The following SUMF1 variants were observed in gnomAD, a reference collection of about 807,000 sequenced individuals.
SUMF1 encodes the protein sulfatase modifying factor 1.
A neutral mutation model predicts 47.6 loss-of-function variants in SUMF1; 48 were observed. That is an observed-to-expected ratio of 1.01 (90% CI 0.80 to 1.28). The LOEUF is 1.28. Among genes scored for constraint, SUMF1 ranks in the 50% most tolerant of loss-of-function variants. The pLI, the probability that SUMF1 is intolerant of heterozygous loss-of-function variation, is 0.00. For missense variants in SUMF1, 571 were observed against 485.4 expected (o/e 1.18, Z -1.66); for synonymous variants, 230 against 192.1 (o/e 1.20, Z -1.63).
chr3:4,212,368 A>G (rs1322584143), intron 8 of SUMF1, among the ~76,000 whole-genome samples: 1 of 152,140 alleles, frequency 6.6e-6, no homozygotes, highest in African/African-American at 2.4e-5. Context: ...GCTAACAAAA[A>G]GAAAGGAATA....
intron 8 of SUMF1, among the ~76,000 whole-genome samples, chr3:4,251,202 T>C (rs915912797): frequency 1.3e-5 from 2 of 152,176 alleles, no homozygotes; most frequent in African/African-American, 4.8e-5. Flanking sequence ...TGGATGATTT[T>C]GTGAAGTCCA....
At chr3:4,423,779 A>G (rs1395932581) in intron 3 of SUMF1, among the ~76,000 whole-genome samples, 3 of 152,166 alleles carry the variant, frequency 2.0e-5, no homozygotes, top group Admixed American at 6.5e-5. Flanking sequence ...ACCCTTATGA[A>G]TTGCTTGGGC....
chr3:4,449,741 C>A (rs971218528), intron 2 of SUMF1, among the ~76,000 whole-genome samples: 8 of 152,186 alleles, frequency 5.3e-5, no homozygotes, highest in African/African-American at 1.9e-4. Flanking sequence ...GCACTGTTTG[C>A]TCACATTCTG....
Position 4,236,088 on chromosome 3 carries a change from C to T in SUMF1, c.1014+140242G>A, listed in dbSNP as rs1247521009. On this transcript the variant is annotated intron_variant and NMD_transcript_variant, in intron 8 of 12. Transcript: ENST00000448413. ...CCCCCAGATAGCTGGGATAACCAGG[C>T]ATGCATCACCACATCTTGCTAATTT... Among the ~76,000 whole-genome samples the T allele has an allele frequency of 2.0e-5, 3 of 152,084 alleles. 1 individual carries two copies. The highest frequency in any genetic ancestry group is 2.9e-5 in the Non-Finnish European group (2 of 68,010).
intron 7 of SUMF1, among the ~76,000 whole-genome samples, chr3:4,400,653 G>A (rs1014849496): frequency 6.6e-6 from 1 of 152,172 alleles, no homozygotes; most frequent in Non-Finnish European, 1.5e-5. Flanking sequence ...TTGCTGTGTG[G>A]TGGGCACAGT....
intron 8 of SUMF1, among the ~76,000 whole-genome samples, chr3:4,191,563 T>A (rs890914220): frequency 1.3e-5 from 2 of 152,048 alleles, no homozygotes; most frequent in African/African-American, 4.8e-5. Flanking sequence ...GGGGAATGAA[T>A]TGAAAGAAAG....
intron 8 of SUMF1, among the ~76,000 whole-genome samples, chr3:4,094,756 T>G (rs1273033172): frequency 6.6e-6 from 1 of 152,094 alleles, no homozygotes; most frequent in Non-Finnish European, 1.5e-5. Context: ...CTGTTAATAA[T>G]GTAATACTTA....
At chr3:4,136,407 T>A (rs1214745195) in intron 8 of SUMF1, among the ~76,000 whole-genome samples, 1 of 152,126 alleles carries the variant, frequency 6.6e-6, no homozygotes, top group Non-Finnish European at 1.5e-5. Context: ...CTGGGAAAAC[T>A]GGCTAGCCAT....
At chr3:4,173,871 G>C (rs899928046) in intron 8 of SUMF1, among the ~76,000 whole-genome samples, 1 of 152,124 alleles carries the variant, frequency 6.6e-6, no homozygotes, top group African/African-American at 2.4e-5. Flanking sequence ...ACACACGAGG[G>C]CCTGTCGGAG....
intron 8 of SUMF1, among the ~76,000 whole-genome samples, chr3:4,241,646 A>C (rs140315791): frequency 6.6e-6 from 1 of 152,280 alleles, no homozygotes; most frequent in East Asian, 1.9e-4. Context: ...CTCCATAGCC[A>C]CTTAAAAATG....
At chr3:4,107,350 G>C (rs370743436) in intron 8 of SUMF1, among the ~76,000 whole-genome samples, 1 of 152,084 alleles carries the variant, frequency 6.6e-6, no homozygotes, top group African/African-American at 2.4e-5. Context: ...TTTTGCAGTA[G>C]TGTGCTGTTT....
chr3:4,430,683 G>A (rs918601528), intron 3 of SUMF1, among the ~76,000 whole-genome samples: 3 of 152,096 alleles, frequency 2.0e-5, no homozygotes, highest in Non-Finnish European at 4.4e-5. Flanking sequence ...ACATCATTGA[G>A]AAGGGAAGAC....
intron 8 of SUMF1, among the ~76,000 whole-genome samples, chr3:4,319,917 A>G (rs908644987): frequency 2.0e-5 from 3 of 152,228 alleles, no homozygotes; most frequent in Admixed American, 6.5e-5. Context: ...GCTGCATACT[A>G]TATGAGTCCA....
downstream of SUMF1, among the ~76,000 whole-genome samples, chr3:4,359,480 G>T (rs115068541): frequency 6.1e-3 from 928 of 152,146 alleles, 12 homozygotes; most frequent in African/African-American, 0.02. Context: ...ATGGGGTCTC[G>T]CTTTGTTGCT....
intron 8 of SUMF1, among the ~76,000 whole-genome samples, chr3:4,134,631 C>T (rs1384273720): frequency 6.6e-6 from 1 of 152,040 alleles, no homozygotes; most frequent in Non-Finnish European, 1.5e-5. Context: ...CAGAGCAGAA[C>T]TGAAGGAAAT....
chr3:4,120,033 G>A (rs1208683547), intron 8 of SUMF1, among the ~76,000 whole-genome samples: 1 of 152,100 alleles, frequency 6.6e-6, no homozygotes, highest in Non-Finnish European at 1.5e-5. Context: ...TTTAGCCCCT[G>A]TGCAGACATA....
intron 8 of SUMF1, among the ~76,000 whole-genome samples, chr3:4,319,092 G>T (rs776445480): frequency 6.6e-6 from 1 of 152,138 alleles, no homozygotes; most frequent in Non-Finnish European, 1.5e-5. Flanking sequence ...GGTAGAAAGC[G>T]AAAACACTAA....
chr3:4,313,653 G>C lies in SUMF1; in HGVS notation c.1014+62677C>G, dbSNP rs140605054. 105 of 1,614,028 alleles carry C rather than the reference G, an allele frequency of 6.5e-5. No homozygotes were observed. In the African/African-American group the frequency reaches 1.3e-3, roughly 19 times the overall value. On this transcript the variant is annotated intron_variant and NMD_transcript_variant, in intron 8 of 12. Coordinates refer to the SUMF1 transcript ENST00000448413. Reference sequence around the variant, plus strand: ...CTTTCCTGCCTTTTGACAGTTCTCTGTACTGCCCCGTAGAAAAGTCGAACA... The same window carrying C: ...CTTTCCTGCCTTTTGACAGTTCTCTCTACTGCCCCGTAGAAAAGTCGAACA...
At chr3:4,143,317 C>A (rs1195281166) in intron 8 of SUMF1, among the ~76,000 whole-genome samples, 3 of 152,106 alleles carry the variant, frequency 2.0e-5, no homozygotes, top group African/African-American at 7.2e-5. Context: ...CATTGTGTAC[C>A]AGGGATAAGT....
Sources: gnomAD v4.1 joint callset for allele counts (sites outside exome capture counted in the v4.1 genomes callset) on GRCh38, gnomAD v4.1.1 for gene constraint, MANE v1.5 for transcripts, NCBI Gene and HGNC (gene_info 2026-07-23, HGNC 2026-07-21) for gene names.